USP8: variants seen among roughly 807,000 people sequenced by gnomAD.
USP8 encodes the protein ubiquitin specific peptidase 8.
Under a neutral mutation model 130.0 loss-of-function variants are expected in USP8, and 27 were observed. The ratio of observed to expected loss-of-function variants is 0.21; its 90% confidence interval spans 0.15 to 0.29. The LOEUF (loss-of-function observed/expected upper bound fraction) is 0.29, where lower values mean the gene tolerates loss of function less well. USP8 is among the 10% of genes least tolerant of loss of function. USP8 has a pLI of 1.00. For missense variants in USP8, 1,029 were observed against 1,312.2 expected (o/e 0.78, Z 3.33); for synonymous variants, 392 against 444.1 (o/e 0.88, Z 1.48).
At chr15:50,439,695 C>T (rs1387756801) in intron 2 of USP8, among the ~76,000 whole-genome samples, 1 of 151,384 alleles carries the variant, frequency 6.6e-6, no homozygotes, top group East Asian at 1.9e-4. Context: ...GAGGCTGAGG[C>T]AAGAGAATTG....
intron 4 of USP8, among the ~76,000 whole-genome samples, chr15:50,453,860 CTTTTTTTTTTTTT>C (rs71124355): frequency 1.1e-5 from 1 of 86,962 alleles, no homozygotes; most frequent in East Asian, 3.7e-4. Flanking sequence ...TGGGAATATT[CTTTTTTTTTTTTT>C]TTTTTTTTTG....
intron 4 of USP8, among the ~76,000 whole-genome samples, chr15:50,450,578 T>G (rs375358887): frequency 8.0e-5 from 12 of 150,544 alleles, no homozygotes; most frequent in East Asian, 7.9e-4. Flanking sequence ...TTCAAGTCAT[T>G]CTCCTGCCTC....
rs369552458 is a variant in USP8, at chr15:50,439,194, G to A, written c.104+17G>A. 5.3e-5 allele frequency: 72 copies of A among 1,360,272 alleles called. No homozygotes were observed. Among genetic ancestry groups the A allele is most frequent in the Non-Finnish European group, 6.7e-5 (68 of 1,019,898 alleles). 84.3% of individuals were successfully genotyped at this position (1,360,272 alleles called of 1,614,324 possible). Reference sequence around the variant, plus strand: ...CACTAAGAGGTATGATGTATCCTTCGCTAGTTTGATTGAATCAAATATTAA... The same window carrying A: ...CACTAAGAGGTATGATGTATCCTTCACTAGTTTGATTGAATCAAATATTAA... On this transcript the variant is annotated intron_variant, in intron 2 of 19. Transcript: ENST00000307179.
chr15:50,424,751 A>G (rs1161016731), intron 1 of USP8: 8 of 359,732 alleles, frequency 2.2e-5, no homozygotes, highest in Non-Finnish European at 2.5e-5. Flanking sequence ...TTTTGGTTTT[A>G]AAAGGTGGCT....
chr15:50,462,273 G>A lies in USP8; in HGVS notation c.499-7G>A. 6.3e-7 allele frequency: 1 copy of A among 1,593,220 alleles called. No individual in the cohort carries two copies. ...AGTTGAAACTTTTTTTTTTTCCTATGCAATAGAGCAATGGTGAAAAGAATG... is the reference window on the plus strand; with the variant it reads ...AGTTGAAACTTTTTTTTTTTCCTATACAATAGAGCAATGGTGAAAAGAATG... On this transcript the variant is annotated splice_polypyrimidine_tract_variant and splice_region_variant and intron_variant, in intron 5 of 19. Coordinates refer to ENST00000307179, the MANE Select transcript of USP8 (RefSeq NM_005154.5).
Position 50,489,829 on chromosome 15 carries a change from G to A in USP8, c.1919G>A (p.Arg640Gln), listed in dbSNP as rs374126671. Residue 640 changes from arginine to glutamine, a missense_variant, in exon 13 of 20, where the codon CGA (arginine) becomes CAA (glutamine). Physicochemically the swap from Arg to Gln is conservative, Grantham distance 43. Around this residue, in one of 4 missense-constraint regions of USP8, gnomAD observed 486 missense variants for 522.0 expected, o/e 0.93. Transcript: ENST00000307179. Reference protein sequence around the residue: ...KAQREPLTRARSEEMGRIVPG... With the variant: ...KAQREPLTRAQSEEMGRIVPG... ...CAACGAGAACCTTTGACAAGAGCAC[G>A]AAGTGAAGAAATGGGGAGGATCGTA... 31 of 1,571,850 alleles carry A rather than the reference G, an allele frequency of 2.0e-5. No individual in the cohort carries two copies. Among genetic ancestry groups the A allele is most frequent in the African/African-American group, 2.7e-5 (2 of 73,194 alleles).
At position 50,493,513 on chromosome 15, in the gene USP8, G is replaced by A. The variant is rs139242412; in HGVS notation, c.2448-557G>A. 1,772 of 518,060 alleles carry A rather than the reference G, an allele frequency of 3.4e-3. 11 individuals carry two copies. Among genetic ancestry groups the A allele is most frequent in the Non-Finnish European group, 4.8e-3 (1,239 of 259,540 alleles). 32.1% of individuals were successfully genotyped at this position (518,060 alleles called of 1,614,324 possible). On this transcript the variant is annotated intron_variant, in intron 15 of 19. Transcript: ENST00000307179. ...CACACTGGTAATCCTAGCACTTTGG[G>A]AGGCTGACGTGGGCAGATCACTTGG...
chr15:50,471,625 C>T lies in USP8; in HGVS notation c.687-8C>T. The T allele has an allele frequency of 1.2e-6, 2 of 1,607,068 alleles. No homozygotes were observed. The highest frequency in any genetic ancestry group is 1.7e-6 in the Non-Finnish European group (2 of 1,178,690). ...TTTTGCCCCAATTTAAATATTAATA[C>T]ATTTCAGAGTCACTGCTAGTTGGAT... On this transcript the variant is annotated splice_polypyrimidine_tract_variant and splice_region_variant and intron_variant, in intron 7 of 19. Transcript: ENST00000307179.
intron 12 of USP8, among the ~76,000 whole-genome samples, chr15:50,487,283 C>T (rs1175214001): frequency 2.0e-5 from 3 of 151,922 alleles, no homozygotes; most frequent in Non-Finnish European, 2.9e-5. Context: ...AAATTAAGAA[C>T]TTAAGCCTTA....
chr15:50,463,480 T>C (rs1196995168), intron 6 of USP8: 1 of 152,188 alleles, frequency 6.6e-6, no homozygotes, highest in East Asian at 1.9e-4. Context: ...TTAAACATAA[T>C]TATAGGTAAC....
rs1251946675 is a variant in USP8, at chr15:50,492,730, C to T, written c.2264C>T (p.Ser755Leu). 1 of 1,613,972 alleles carries T rather than the reference C, an allele frequency of 6.2e-7. No homozygotes were observed. Among genetic ancestry groups the T allele is most frequent in the Non-Finnish European group, 8.5e-7 (1 of 1,180,008 alleles). ...KPTCYPKAEISRLSASQIRNL... is the reference protein window; with the variant it reads ...KPTCYPKAEILRLSASQIRNL... ...ACATGTTATCCTAAAGCTGAGATCTCAAGGCTTTCTGCTTCTCAGATTCGG... is the reference window on the plus strand; with the variant it reads ...ACATGTTATCCTAAAGCTGAGATCTTAAGGCTTTCTGCTTCTCAGATTCGG... Residue 755 changes from serine to leucine, a missense_variant, in exon 15 of 20, where the codon TCA becomes TTA. Physicochemically the swap from Ser to Leu is moderately radical, Grantham distance 145 (BLOSUM62 -2). Coordinates refer to ENST00000307179, the MANE Select transcript of USP8 (RefSeq NM_005154.5).
intron 18 of USP8, 70 bp from the exon 19 acceptor site, chr15:50,498,526 G>C (rs2052499911): frequency 6.8e-7 from 1 of 1,473,464 alleles, no homozygotes; most frequent in South Asian, 1.5e-5. Context: ...TAAAAATCTA[G>C]ATGTTAATGA....
chr15:50,438,788 T>C (rs2141253394), intron 1 of USP8, among the ~76,000 whole-genome samples: 1 of 152,258 alleles, frequency 6.6e-6, no homozygotes, highest in South Asian at 2.1e-4. Flanking sequence ...TAAGGCAAAA[T>C]GATACAAAAA....
In USP8 at chr15:50,452,852, C is replaced by T. The variant is rs997729564; in HGVS notation, c.335+3367C>T. ...TAATAAGTTTTTGTGCTATTATTTT[C>T]GTTGTTATTAACAGTGGAAGCATTC... On this transcript the variant is annotated intron_variant, in intron 4 of 19. Transcript: ENST00000307179. 4.6e-5 allele frequency among the ~76,000 whole-genome samples: 7 copies of T among 152,232 alleles called. No homozygotes were observed. The East Asian group carries it at 9.6e-4, about 21-fold the overall frequency.
In USP8 at chr15:50,481,718, C is replaced by A. The variant is rs776267903; in HGVS notation, c.1456C>A (p.Gln486Lys). The change falls in exon 11 of 20, where the codon CAG (glutamine) becomes AAG (lysine). Residue 486 changes from glutamine to lysine, a missense_variant. Gln to Lys is a moderately conservative substitution (Grantham distance 53). This residue lies in a region of USP8 where 486 missense variants were observed against 522.0 expected (regional missense o/e 0.93). Coordinates refer to ENST00000307179, the MANE Select transcript of USP8 (RefSeq NM_005154.5). ...ACAAGAAAAAGAACTTCGGGAAAGG[C>A]AGCAAGAGGAACAGAAAGAGAAACT... ...NKQEKELRERQQEEQKEKLRK... is the reference protein window; with the variant it reads ...NKQEKELRERKQEEQKEKLRK... The A allele has an allele frequency of 6.2e-7, 1 of 1,611,076 alleles. No individual in the cohort carries two copies. Among genetic ancestry groups the A allele is most frequent in the Non-Finnish European group, 8.5e-7 (1 of 1,179,208 alleles).
intron 5 of USP8, 102 bp downstream of exon 5, chr15:50,459,264 A>C (rs1258192967): frequency 7.1e-7 from 1 of 1,410,614 alleles, no homozygotes; most frequent in Non-Finnish European, 9.5e-7. Flanking sequence ...TTAGGCAACA[A>C]GGATGAAATT....
At chr15:50,475,350 A>G (rs1019608898) in intron 8 of USP8, among the ~76,000 whole-genome samples, 4 of 152,154 alleles carry the variant, frequency 2.6e-5, no homozygotes, top group Admixed American at 2.6e-4. Context: ...AACTTCACCA[A>G]TAAAGAAATG....
At chr15:50,480,280 A>G (rs1170908646) in intron 10 of USP8, among the ~76,000 whole-genome samples, 1 of 152,176 alleles carries the variant, frequency 6.6e-6, no homozygotes, top group Non-Finnish European at 1.5e-5. Context: ...TTATTACACA[A>G]CCTGAAGGAA....
At chr15:50,481,407 C>A (rs2051762870) in intron 10 of USP8, 74 bp from the exon 11 acceptor site, 6 of 1,125,476 alleles carry the variant, frequency 5.3e-6, no homozygotes, top group Non-Finnish European at 4.8e-6. Flanking sequence ...TCTTTTATCA[C>A]AACTTGATCT....
Sources: allele counts gnomAD v4.1 joint callset (sites outside exome capture counted in the v4.1 genomes callset), GRCh38; gene constraint gnomAD v4.1.1; regional missense constraint gnomAD v4.1.1; transcripts MANE v1.5; gene names NCBI Gene and HGNC (gene_info 2026-07-23, HGNC 2026-07-21).